Variants in HSD17B4 observed in about 807,000 individuals in gnomAD.
HSD17B4 encodes peroxisomal multifunctional enzyme type 2.
In HSD17B4, 70 loss-of-function variants were observed where a neutral mutation model predicts 101.0. That is an observed-to-expected ratio of 0.69 (90% CI 0.57 to 0.85). The LOEUF is 0.85. Ranked by LOEUF, HSD17B4 falls within the 40% of genes least tolerant of loss-of-function variation. HSD17B4 has a pLI of 0.00. For missense variants in HSD17B4, 984 were observed against 892.4 expected (o/e 1.10, Z -1.31); for synonymous variants, 347 against 297.1 (o/e 1.17, Z -1.73).
At chr5:119,540,346 C>CAGA (rs3044997) in intron 23 of HSD17B4, among the ~76,000 whole-genome samples, 20,342 of 151,952 alleles carry the variant, frequency 0.13, 2,133 homozygotes, top group African/African-American at 0.29. Flanking sequence ...CATGGCAGTG[C>CAGA]AGAGTTTGGA....
At chr5:119,475,932 G>C in intron 6 of HSD17B4, 62 bp downstream of exon 6, 1 of 1,261,682 alleles carries the variant, frequency 7.9e-7, no homozygotes, top group Non-Finnish European at 1.2e-6. Context: ...TTTAGTATTT[G>C]ATAAATTTAT....
intron 20 of HSD17B4, among the ~76,000 whole-genome samples, chr5:119,528,338 G>A (rs1473037375): frequency 6.6e-6 from 1 of 152,002 alleles, no homozygotes; most frequent in Non-Finnish European, 1.5e-5. Flanking sequence ...TTCTTACATG[G>A]TTGCTTTACT....
At chr5:119,521,507 T>C (rs1469483149) in intron 17 of HSD17B4, among the ~76,000 whole-genome samples, 1 of 152,152 alleles carries the variant, frequency 6.6e-6, no homozygotes, top group African/African-American at 2.4e-5. Context: ...CATTTATATG[T>C]ATGTTGAATC....
chr5:119,523,019 A>T (rs1189836283), intron 17 of HSD17B4, among the ~76,000 whole-genome samples: 3 of 150,280 alleles, frequency 2.0e-5, no homozygotes, highest in Non-Finnish European at 2.9e-5. Context: ...GTTAGCACTG[A>T]TAGAAAAGTG....
chr5:119,473,313 C>T (rs879572167), intron 2 of HSD17B4, among the ~76,000 whole-genome samples: 53 of 74,784 alleles, frequency 7.1e-4, no homozygotes, highest in South Asian at 1.3e-3. Flanking sequence ...CTTCCCTGCT[C>T]CTTTTTTTTT....
chr5:119,541,848 AG>A, intron 23 of HSD17B4, 56 bp from the exon 24 acceptor site: 6 of 1,037,300 alleles, frequency 5.8e-6, no homozygotes, highest in Admixed American at 3.9e-5. Context: ...AAAAAAAAAA[AG>A]AAATAAACTA....
Position 119,493,937 on chromosome 5 carries a change from A to G in HSD17B4, c.859A>G (p.Ser287Gly). Residue 287 changes from serine to glycine, a missense_variant, in exon 11 of 24, where the codon AGT (serine) becomes GGT (glycine). Coordinates refer to ENST00000510025, the MANE Select transcript of HSD17B4 (RefSeq NM_000414.4). ...CDFENASKPQ[S>G]IQESTGSIIE... ...CTTTGAGAATGCCAGCAAGCCTCAG[A>G]GTATCCAAGGTAAAGAGAGTCCCCG... The G allele has an allele frequency of 6.2e-7, 1 of 1,613,178 alleles. No individual in the cohort carries two copies. The highest frequency in any genetic ancestry group is 8.5e-7 in the Non-Finnish European group (1 of 1,179,364).
intron 22 of HSD17B4, among the ~76,000 whole-genome samples, chr5:119,535,398 C>T (rs1379269247): frequency 4.6e-5 from 7 of 151,860 alleles, no homozygotes; most frequent in Admixed American, 4.6e-4. Context: ...TTATACATTA[C>T]ATTTGGTTCT....
chr5:119,534,340 C>G lies in HSD17B4; in HGVS notation c.1994-2083C>G, dbSNP rs192029925. Among the ~76,000 whole-genome samples, 15 of 151,618 alleles carry G rather than the reference C, an allele frequency of 9.9e-5. No individual in the cohort carries two copies. The East Asian group carries it at 1.7e-3, about 18-fold the overall frequency. On this transcript the variant is annotated intron_variant, in intron 22 of 23. Transcript: ENST00000510025. Reference sequence around the variant, plus strand: ...TATAATTAGTTGTGTAGAGTTAAGTCTGCATATCTGGACTAAATCCAAGCC... The same window carrying G: ...TATAATTAGTTGTGTAGAGTTAAGTGTGCATATCTGGACTAAATCCAAGCC...
intron 11 of HSD17B4, chr5:119,495,897 G>T (rs937635745): frequency 1.3e-5 from 2 of 153,306 alleles, no homozygotes; most frequent in African/African-American, 4.8e-5. Flanking sequence ...AGTTCAGAAG[G>T]AAGCCCATGT....
intron 10 of HSD17B4, 134 bp from the exon 11 acceptor site, chr5:119,493,684 G>A (rs1750321490): frequency 2.5e-6 from 2 of 796,378 alleles, no homozygotes; most frequent in Non-Finnish European, 4.1e-6. Flanking sequence ...AAGGCTTATG[G>A]TAAAACTCTT....
intron 17 of HSD17B4, among the ~76,000 whole-genome samples, chr5:119,521,223 C>T (rs1366787992): frequency 6.6e-6 from 1 of 152,148 alleles, no homozygotes; most frequent in East Asian, 1.9e-4. Flanking sequence ...TGTTGTCTTA[C>T]TTTGTATGTT....
chr5:119,529,869 C>CTTTTTTT, intron 20 of HSD17B4, 25 bp from the exon 21 acceptor site: 2 of 1,252,752 alleles, frequency 1.6e-6, no homozygotes, highest in Non-Finnish European at 2.3e-6. Flanking sequence ...CAGAATAAAT[C>CTTTTTTT]TTTTTTTTTT....
chr5:119,505,340 C>T (rs969517130), intron 14 of HSD17B4, among the ~76,000 whole-genome samples: 1 of 151,968 alleles, frequency 6.6e-6, no homozygotes, highest in African/African-American at 2.4e-5. Flanking sequence ...TTGAGTAGTA[C>T]GACCATTTTA....
rs1417491819 is a variant in HSD17B4, at chr5:119,452,581, C to A, written c.6C>A (p.Gly2=). Residue 2 remains glycine, a synonymous_variant, in exon 1 of 24, where the codon GGC becomes GGA. Coordinates refer to ENST00000510025, the MANE Select transcript of HSD17B4 (RefSeq NM_000414.4). ...TGTCGTTGCAGGCCTTATTCATGGG[C>A]TCACCGCTGAGGTTCGACGGGCGGG... M[G]SPLRFDGRVV... is the part of the protein sequence containing the mutation. 1 of 1,614,060 alleles carries A rather than the reference C, an allele frequency of 6.2e-7. No homozygotes were observed. Among genetic ancestry groups the A allele is most frequent in the Non-Finnish European group, 8.5e-7 (1 of 1,180,004 alleles).
At chr5:119,535,814 T>G (rs908409974) in intron 22 of HSD17B4, 2 of 152,188 alleles carry the variant, frequency 1.3e-5, no homozygotes, top group African/African-American at 4.8e-5. Context: ...AGACCTAATA[T>G]TAAGGGAAGG....
intron 14 of HSD17B4, among the ~76,000 whole-genome samples, chr5:119,506,048 G>C (rs1751619424): frequency 6.6e-6 from 1 of 152,084 alleles, no homozygotes; most frequent in Middle Eastern, 3.4e-3. Flanking sequence ...TTAAGTTCTG[G>C]GGTACATGTG....
intron 16 of HSD17B4, 122 bp from the exon 17 acceptor site, chr5:119,514,859 C>G: frequency 1.5e-6 from 1 of 671,668 alleles, no homozygotes. Context: ...TTTTTTAAAC[C>G]CTTTTATCCA....
intron 8 of HSD17B4, among the ~76,000 whole-genome samples, chr5:119,479,282 A>T (rs11241506): frequency 6.6e-6 from 1 of 151,986 alleles, no homozygotes; most frequent in African/African-American, 2.4e-5. Context: ...TTTGTTTTAC[A>T]CAATGGGGTA....
Sources: allele counts gnomAD v4.1 joint callset (sites outside exome capture counted in the v4.1 genomes callset), GRCh38; gene constraint gnomAD v4.1.1; transcripts MANE v1.5; gene names NCBI Gene and HGNC (gene_info 2026-07-23, HGNC 2026-07-21).